FRYL: variants seen among roughly 807,000 people sequenced by gnomAD.
FRYL encodes FRY like transcription coactivator.
A neutral mutation model predicts 351.2 loss-of-function variants in FRYL; 150 were observed. That is an observed-to-expected ratio of 0.43 (90% CI 0.37 to 0.49). FRYL has a LOEUF of 0.49. Ranked by LOEUF, FRYL falls within the 20% of genes least tolerant of loss-of-function variation. The probability of loss-of-function intolerance (pLI) is 0.00; values close to 1 mark genes in which losing one functional copy is unlikely to be tolerated. For synonymous variants in FRYL, 1,153 were observed against 1,257.1 expected (o/e 0.92, Z 1.75); for missense variants, 3,036 against 3,619.3 (o/e 0.84, Z 4.13).
At chr4:48,756,033 A>T (rs1369183358) in intron 1 of FRYL, among the ~76,000 whole-genome samples, 2 of 151,972 alleles carry the variant, frequency 1.3e-5, no homozygotes, top group Non-Finnish European at 2.9e-5. Context: ...CAGGAATTTG[A>T]AAACAGCCTG....
chr4:48,708,247 C>A (rs554323867), intron 2 of FRYL, among the ~76,000 whole-genome samples: 1 of 151,764 alleles, frequency 6.6e-6, no homozygotes, highest in African/African-American at 2.4e-5. Context: ...CCACTGCACT[C>A]CAGCCTGGAC....
intron 41 of FRYL, among the ~76,000 whole-genome samples, chr4:48,547,132 G>A (rs1435001484): frequency 6.6e-6 from 1 of 152,112 alleles, no homozygotes; most frequent in Non-Finnish European, 1.5e-5. Flanking sequence ...CATTGACAGT[G>A]AAATAAACCA....
intron 3 of FRYL, among the ~76,000 whole-genome samples, chr4:48,636,078 A>C (rs1318530104): frequency 6.6e-6 from 1 of 152,194 alleles, no homozygotes; most frequent in East Asian, 1.9e-4. Context: ...TATCAAGTTA[A>C]AATACATTAT....
intron 60 of FRYL, among the ~76,000 whole-genome samples, chr4:48,503,284 G>A (rs546199678): frequency 5.6e-4 from 85 of 152,078 alleles, no homozygotes; most frequent in African/African-American, 2.0e-3. Context: ...GCTTATAATC[G>A]TACATAATAA....
In FRYL at chr4:48,550,655, G is replaced by C. The variant is rs750713416; in HGVS notation, c.4570C>G (p.Gln1524Glu). The change falls in exon 38 of 64, where the codon CAA becomes GAA. Residue 1524 changes from glutamine (Q) to glutamate (E), a missense_variant. This residue lies in a region of FRYL where 1,987 missense variants were observed against 2,311.7 expected (regional missense o/e 0.86). Coordinates refer to ENST00000358350, the MANE Select transcript of FRYL (RefSeq NM_015030.2). The part of the protein sequence containing the change: ...YSGLNSHLNR[Q>E]HHRLESRYSS... ...TATCGGGATTCTAGTCTGTGATGTTGCCGATTCAAATGACTGTTTAGTCCA... is the reference window on the plus strand; with the variant it reads ...TATCGGGATTCTAGTCTGTGATGTTCCCGATTCAAATGACTGTTTAGTCCA... 3 of 1,613,882 alleles carry C rather than the reference G, an allele frequency of 1.9e-6. No homozygotes were observed. Among genetic ancestry groups the C allele is most frequent in the African/African-American group, 2.7e-5 (2 of 74,910 alleles).
intron 53 of FRYL, among the ~76,000 whole-genome samples, chr4:48,524,552 G>A (rs1225511393): frequency 6.6e-6 from 1 of 152,112 alleles, no homozygotes; most frequent in African/African-American, 2.4e-5. Context: ...AGCAATCAAA[G>A]TATTTCCTAT....
At chr4:48,705,096 G>A (rs933620200) in intron 2 of FRYL, among the ~76,000 whole-genome samples, 2 of 152,170 alleles carry the variant, frequency 1.3e-5, no homozygotes, top group Admixed American at 6.5e-5. Context: ...ACTCCAGCCT[G>A]GGTGACGGTG....
intron 57 of FRYL, 121 bp downstream of exon 57, chr4:48,512,359 GA>G (rs201406832): frequency 3.8e-4 from 265 of 696,248 alleles, no homozygotes; most frequent in Middle Eastern, 7.0e-4. Context: ...CATTAGCTTA[GA>G]AAAAAAAAAT....
chr4:48,550,570 A>G, intron 38 of FRYL, 22 bp downstream of exon 38: 1 of 1,403,886 alleles, frequency 7.1e-7, no homozygotes, highest in Non-Finnish European at 1.0e-6. Flanking sequence ...TAGTTATATT[A>G]AAAACATTTG....
intron 27 of FRYL, among the ~76,000 whole-genome samples, chr4:48,568,351 C>A (rs1476544151): frequency 6.6e-6 from 1 of 152,158 alleles, no homozygotes; most frequent in Non-Finnish European, 1.5e-5. Flanking sequence ...TGGTTAGAGT[C>A]AGAAGTCCTG....
intron 1 of FRYL, among the ~76,000 whole-genome samples, chr4:48,727,753 C>A (rs1428964189): frequency 2.0e-5 from 3 of 152,190 alleles, no homozygotes; most frequent in Non-Finnish European, 2.9e-5. Flanking sequence ...GACTAACTTG[C>A]TAACTACCCC....
At chr4:48,710,946 T>C (rs1173904435) in intron 1 of FRYL, among the ~76,000 whole-genome samples, 1 of 152,184 alleles carries the variant, frequency 6.6e-6, no homozygotes, top group Non-Finnish European at 1.5e-5. Flanking sequence ...ACAACCTAAA[T>C]GTCATCAATT....
In FRYL at chr4:48,575,931, A is replaced by G; in HGVS notation, c.2721+99T>C. On this transcript the variant is annotated intron_variant, in intron 24 of 63. Transcript: ENST00000358350. Reference sequence around the variant, plus strand: ...TTTGCAAGTAAGTAACACATTTTCAACTGAGTTACTTTATTGTCCATAAAA... The same window carrying G: ...TTTGCAAGTAAGTAACACATTTTCAGCTGAGTTACTTTATTGTCCATAAAA... 4.1e-6 allele frequency: 4 copies of G among 975,124 alleles called. No homozygotes were observed. In the South Asian group the frequency reaches 6.1e-5, roughly 15 times the overall value. The allele number at this position is 975,124 out of a possible 1,614,324, so 60.4% of individuals were successfully genotyped here. A position where few individuals can be genotyped will look rare whatever the true frequency, so the allele number is the denominator to read the frequency against.
intron 7 of FRYL, 200 bp downstream of exon 7, chr4:48,619,074 C>A (rs965645105): frequency 3.3e-5 from 14 of 423,344 alleles, no homozygotes; most frequent in Admixed American, 1.7e-4. Context: ...GATAAGCATA[C>A]AAAGGTAAAA....
chr4:48,507,099 T>C (rs948806224), intron 59 of FRYL, among the ~76,000 whole-genome samples: 4 of 152,228 alleles, frequency 2.6e-5, no homozygotes, highest in African/African-American at 9.6e-5. Context: ...TGTCCAAGTA[T>C]ACTAATAAAT....
At chr4:48,527,889 A>G in intron 52 of FRYL, 82 bp downstream of exon 52, 2 of 1,202,106 alleles carry the variant, frequency 1.7e-6, no homozygotes, top group Non-Finnish European at 2.3e-6. Context: ...TAAATTAGAA[A>G]AGGCAAGCAA....
chr4:48,623,364 G>A (rs569412981), intron 4 of FRYL, among the ~76,000 whole-genome samples, 185 bp from the exon 5 acceptor site: 25 of 152,260 alleles, frequency 1.6e-4, no homozygotes, highest in African/African-American at 6.0e-4. Flanking sequence ...TAATTTAAGT[G>A]TGGCTCCAGA....
chr4:48,610,042 C>G (rs571740313), intron 7 of FRYL, among the ~76,000 whole-genome samples: 111 of 152,206 alleles, frequency 7.3e-4, no homozygotes, highest in Middle Eastern at 3.4e-3. Context: ...GCTTCATAAT[C>G]ACAAATCACT....
Position 48,691,388 on chromosome 4 carries a change from T to C in FRYL, c.-203-6593A>G, listed in dbSNP as rs193076601. Among the ~76,000 whole-genome samples the C allele has an allele frequency of 9.2e-5, 14 of 152,228 alleles. No individual in the cohort carries two copies. The East Asian group carries it at 2.7e-3, about 29-fold the overall frequency. On this transcript the variant is annotated intron_variant, in intron 2 of 63. Transcript: ENST00000358350. ...CATTCCTAAGATGAAATGTCATCCA[T>C]CAATTTTTTTAAAAATATATTGACT...
Sources: gnomAD v4.1 joint callset for allele counts (sites outside exome capture counted in the v4.1 genomes callset) on GRCh38, gnomAD v4.1.1 for gene constraint, gnomAD v4.1.1 regional missense constraint, MANE v1.5 for transcripts, NCBI Gene and HGNC (gene_info 2026-07-23, HGNC 2026-07-21) for gene names.